Variants in CNTNAP2 observed in about 807,000 individuals in gnomAD.
CNTNAP2 encodes contactin associated protein 2.
In CNTNAP2, 98 loss-of-function variants were observed where a neutral mutation model predicts 155.2. The observed-to-expected ratio is 0.63, with a 90% CI of 0.54 to 0.75. CNTNAP2 has a LOEUF of 0.75. Among genes scored for constraint, CNTNAP2 ranks in the 30% least tolerant of loss-of-function variants. The pLI is 0.00. For missense variants in CNTNAP2, 1,727 were observed against 1,688.1 expected (o/e 1.02, Z -0.40); for synonymous variants, 651 against 631.2 (o/e 1.03, Z -0.47).
intron 13 of CNTNAP2, among the ~76,000 whole-genome samples, chr7:147,903,314 G>T (rs1385580062): frequency 6.6e-6 from 1 of 152,050 alleles, no homozygotes; most frequent in African/African-American, 2.4e-5. Context: ...CCCACTTTTT[G>T]ATGGGATTGT....
chr7:146,229,116 G>A (rs1207166972), intron 1 of CNTNAP2, among the ~76,000 whole-genome samples: 3 of 152,086 alleles, frequency 2.0e-5, no homozygotes, highest in Admixed American at 6.5e-5. Context: ...ACAAAAAAGA[G>A]TAGCAAATTG....
chr7:147,716,061 C>T (rs1796477748), intron 13 of CNTNAP2, among the ~76,000 whole-genome samples: 1 of 152,110 alleles, frequency 6.6e-6, no homozygotes, highest in Admixed American at 6.6e-5. Flanking sequence ...CAACACTGGT[C>T]ACAAGAGAGC....
At chr7:146,709,544 G>A (rs2129174804) in intron 1 of CNTNAP2, among the ~76,000 whole-genome samples, 1 of 152,284 alleles carries the variant, frequency 6.6e-6, no homozygotes, top group South Asian at 2.1e-4. Context: ...GGAAACAAAA[G>A]CATGGATATG....
chr7:146,416,104 T>G (rs917646843), intron 1 of CNTNAP2, among the ~76,000 whole-genome samples: 7 of 151,850 alleles, frequency 4.6e-5, no homozygotes, highest in African/African-American at 1.7e-4. Flanking sequence ...AATGGATAAT[T>G]TCATAACTTT....
At chr7:147,719,190 T>C (rs1485119123) in intron 13 of CNTNAP2, among the ~76,000 whole-genome samples, 1 of 152,122 alleles carries the variant, frequency 6.6e-6, no homozygotes, top group Non-Finnish European at 1.5e-5. Context: ...GTGGTCAGTT[T>C]GTTGCAGAAG....
At chr7:146,652,457 G>C (rs892102581) in intron 1 of CNTNAP2, among the ~76,000 whole-genome samples, 9 of 152,060 alleles carry the variant, frequency 5.9e-5, no homozygotes, top group Non-Finnish European at 4.4e-5. Context: ...CTGAAACTTT[G>C]AACAAGAGAT....
chr7:147,819,989 A>G (rs1339472273), intron 13 of CNTNAP2, among the ~76,000 whole-genome samples: 1 of 152,116 alleles, frequency 6.6e-6, no homozygotes, highest in Non-Finnish European at 1.5e-5. Context: ...AAATCTTTTT[A>G]TAGATCTATT....
intron 1 of CNTNAP2, among the ~76,000 whole-genome samples, chr7:146,356,129 A>C (rs371147153): frequency 5.3e-5 from 8 of 152,026 alleles, no homozygotes; most frequent in African/African-American, 1.9e-4. Context: ...GAGTTCTGCA[A>C]ACTCAAATAG....
At chr7:146,638,630 A>G (rs1454635456) in intron 1 of CNTNAP2, among the ~76,000 whole-genome samples, 11 of 150,590 alleles carry the variant, frequency 7.3e-5, no homozygotes, top group Non-Finnish European at 1.5e-4. Flanking sequence ...GACTACAGGC[A>G]CCCGCCACCA....
intron 1 of CNTNAP2, among the ~76,000 whole-genome samples, chr7:146,464,097 G>A (rs547637845): frequency 2.4e-4 from 36 of 151,096 alleles, no homozygotes; most frequent in African/African-American, 8.2e-4. Context: ...TCAAAACAAA[G>A]CGTTCATTTT....
At chr7:146,815,629 T>C (rs969430754) in intron 2 of CNTNAP2, among the ~76,000 whole-genome samples, 1 of 152,230 alleles carries the variant, frequency 6.6e-6, no homozygotes, top group Non-Finnish European at 1.5e-5. Context: ...AAACTTATTG[T>C]ATTCACAAAT....
At chr7:148,165,267 C>G (rs1805631007) in intron 17 of CNTNAP2, among the ~76,000 whole-genome samples, 1 of 152,078 alleles carries the variant, frequency 6.6e-6, no homozygotes, top group Admixed American at 6.5e-5. Flanking sequence ...AGTGTCTGTC[C>G]CTCTTCTTAC....
At chr7:148,013,859 AGTT>A (rs1802125874) in intron 15 of CNTNAP2, among the ~76,000 whole-genome samples, 1 of 152,212 alleles carries the variant, frequency 6.6e-6, no homozygotes, top group African/African-American at 2.4e-5. Context: ...TCTTGGTGGC[AGTT>A]GAGCAAAATT....
intron 1 of CNTNAP2, among the ~76,000 whole-genome samples, chr7:146,273,888 T>C (rs1331095991): frequency 2.0e-5 from 3 of 152,096 alleles, no homozygotes; most frequent in East Asian, 3.9e-4. Flanking sequence ...AAAATGTAAA[T>C]ACTATAAAAA....
intron 1 of CNTNAP2, among the ~76,000 whole-genome samples, chr7:146,247,690 C>G (rs1288664206): frequency 6.6e-6 from 1 of 152,156 alleles, no homozygotes; most frequent in Non-Finnish European, 1.5e-5. Context: ...CTATTTGGAA[C>G]TACTGTCGAG....
At chr7:147,836,588 C>A (rs1189800337) in intron 13 of CNTNAP2, among the ~76,000 whole-genome samples, 5 of 152,208 alleles carry the variant, frequency 3.3e-5, no homozygotes, top group Admixed American at 6.5e-5. Flanking sequence ...CCCTTTCCCT[C>A]TTCTTCACAG....
chr7:146,380,860 C>T (rs1795374668), intron 1 of CNTNAP2, among the ~76,000 whole-genome samples: 1 of 116,002 alleles, frequency 8.6e-6, no homozygotes, highest in Non-Finnish European at 1.6e-5. Context: ...TGCAGTGGCG[C>T]AATCTCGGCT....
intron 13 of CNTNAP2, among the ~76,000 whole-genome samples, chr7:147,851,961 A>G (rs968242506): frequency 1.3e-5 from 2 of 152,130 alleles, no homozygotes; most frequent in Non-Finnish European, 2.9e-5. Flanking sequence ...AAAAAAAATC[A>G]CTGTATTCCT....
At position 146,778,443 on chromosome 7, in the gene CNTNAP2, T is replaced by C. The variant is rs1029032430; in HGVS notation, c.208+4062T>C. On this transcript the variant is annotated intron_variant, in intron 2 of 23. Coordinates refer to ENST00000361727, the MANE Select transcript of CNTNAP2 (RefSeq NM_014141.6). ...AAAATCCATGCGTAATTCTGACATG[T>C]CTTTTGGAGCTCATTGTTTTTAGTT... Among the ~76,000 whole-genome samples, 4 of 152,170 alleles carry C rather than the reference T, an allele frequency of 2.6e-5. No individual in the cohort carries two copies. In the East Asian group the frequency reaches 7.7e-4, roughly 29 times the overall value.
Sources: allele counts gnomAD v4.1 joint callset (sites outside exome capture counted in the v4.1 genomes callset), GRCh38; gene constraint gnomAD v4.1.1; transcripts MANE v1.5; gene names NCBI Gene and HGNC (gene_info 2026-07-23, HGNC 2026-07-21).